NEDD9: variants seen among roughly 807,000 people sequenced by gnomAD.
The protein encoded by NEDD9 is enhancer of filamentation 1.
In NEDD9, 26 loss-of-function variants were observed where a neutral mutation model predicts 76.6. That is an observed-to-expected ratio of 0.34 (90% CI 0.25 to 0.47). The LOEUF (loss-of-function observed/expected upper bound fraction) is 0.47, where lower values mean the gene tolerates loss of function less well. NEDD9 is among the 20% of genes least tolerant of loss of function. NEDD9 has a pLI of 1.00. For missense variants in NEDD9, 937 were observed against 1,058.5 expected, an observed-to-expected ratio of 0.89 and a Z score of 1.59; for synonymous variants, 392 against 414.2, an observed-to-expected ratio of 0.95 and a Z score of 0.65.
At chr6:11,235,787 G>A (rs1359384036), upstream of NEDD9, among the ~76,000 whole-genome samples, 1 of 152,176 alleles carries the variant, frequency 6.6e-6, no homozygotes, top group African/African-American at 2.4e-5. This position sits in a 1 kb window ranked among gnomAD's most constrained non-coding sequence, Gnocchi z 4.1. Context: ...GTGTCTAAGC[G>A]CAGCAAGCTG....
intron 3 of NEDD9, among the ~76,000 whole-genome samples, chr6:11,302,370 A>T (rs1761070977): frequency 6.6e-6 from 1 of 152,232 alleles, no homozygotes; most frequent in Non-Finnish European, 1.5e-5. Flanking sequence ...TGAGGCAATA[A>T]TTAATAGCCT....
At chr6:11,203,410 T>C (rs1009731783) in intron 2 of NEDD9, among the ~76,000 whole-genome samples, 5 of 152,196 alleles carry the variant, frequency 3.3e-5, no homozygotes, top group African/African-American at 1.2e-4. Flanking sequence ...GGAAAGGGAC[T>C]GTGAAGAGGA....
chr6:11,203,547 A>G (rs1475898199), intron 2 of NEDD9, among the ~76,000 whole-genome samples: 1 of 152,206 alleles, frequency 6.6e-6, no homozygotes. Flanking sequence ...CACAAGGCAG[A>G]ACTCGGTGCC....
chr6:11,244,327 T>G (rs1234039160), intron 3 of NEDD9, among the ~76,000 whole-genome samples: 2 of 152,216 alleles, frequency 1.3e-5, no homozygotes, highest in East Asian at 1.9e-4. Flanking sequence ...TGGAGAACCC[T>G]GATTAATACA....
chr6:11,215,989 G>A (rs1267973796), intron 1 of NEDD9, among the ~76,000 whole-genome samples: 1 of 152,142 alleles, frequency 6.6e-6, no homozygotes, highest in East Asian at 1.9e-4. Flanking sequence ...TGCGAGAGTC[G>A]TCCTGGGCGT....
At chr6:11,203,650 A>G (rs1190883505) in intron 2 of NEDD9, among the ~76,000 whole-genome samples, 1 of 152,216 alleles carries the variant, frequency 6.6e-6, no homozygotes, top group Non-Finnish European at 1.5e-5. Flanking sequence ...GGCAGAAAAC[A>G]ATGAGTTCCA....
intron 3 of NEDD9, among the ~76,000 whole-genome samples, chr6:11,275,897 C>A (rs1364815869): frequency 2.6e-5 from 4 of 152,018 alleles, no homozygotes; most frequent in African/African-American, 9.7e-5. Flanking sequence ...TAAAGCAGCA[C>A]CCACATTAAA....
chr6:11,233,176 T>C, upstream of NEDD9: 1 of 513,012 alleles, frequency 1.9e-6, no homozygotes, highest in Non-Finnish European at 3.9e-6. Flanking sequence ...TCTTTCCCCC[T>C]CCTCCCGCCT....
At chr6:11,309,254 G>A (rs548555212) in intron 2 of NEDD9, among the ~76,000 whole-genome samples, 8 of 152,204 alleles carry the variant, frequency 5.3e-5, no homozygotes, top group Non-Finnish European at 1.0e-4. Flanking sequence ...AATTTGCATT[G>A]CTGTATGGTA....
chr6:11,283,061 C>T (rs1326075379), intron 3 of NEDD9, among the ~76,000 whole-genome samples: 1 of 152,202 alleles, frequency 6.6e-6, no homozygotes, highest in Non-Finnish European at 1.5e-5. Flanking sequence ...ACCTTATGAC[C>T]TTGGCATTTG....
intron 1 of NEDD9, among the ~76,000 whole-genome samples, chr6:11,230,889 A>G (rs1759451388): frequency 6.6e-6 from 1 of 152,244 alleles, no homozygotes; most frequent in African/African-American, 2.4e-5. Context: ...CGATGAGATC[A>G]TTGAATAAAA....
Position 11,303,251 on chromosome 6 carries a change from G to T in NEDD9, c.12+2741C>A, listed in dbSNP as rs976006029. 2.0e-5 allele frequency among the ~76,000 whole-genome samples: 3 copies of T among 152,138 alleles called. No homozygotes were observed. The East Asian group carries it at 5.8e-4, about 29-fold the overall frequency. On this transcript the variant is annotated intron_variant, in intron 3 of 3. Transcript: ENST00000397378. ...ACAAACAGAGAGCCAAATCATTAGTGAACTCCCATTCACAATTACTACAAA... is the reference window on the plus strand; with the variant it reads ...ACAAACAGAGAGCCAAATCATTAGTTAACTCCCATTCACAATTACTACAAA...
chr6:11,368,522 G>A (rs1210507735), intron 1 of NEDD9, among the ~76,000 whole-genome samples: 1 of 152,176 alleles, frequency 6.6e-6, no homozygotes, highest in Non-Finnish European at 1.5e-5. Context: ...GCTGGTGGGA[G>A]CTACACCACC....
chr6:11,193,739 T>C, intron 2 of NEDD9, 47 bp from the exon 3 acceptor site: 2 of 1,302,938 alleles, frequency 1.5e-6, no homozygotes, highest in Non-Finnish European at 2.2e-6. Flanking sequence ...GCCTGAGTCC[T>C]TGAATCTCCT....
At chr6:11,315,360 T>C (rs1395677936) in intron 2 of NEDD9, among the ~76,000 whole-genome samples, 2 of 152,232 alleles carry the variant, frequency 1.3e-5, no homozygotes, top group Admixed American at 1.3e-4. Context: ...AAGGCTGCTC[T>C]TTGGCAGGAA....
upstream of NEDD9, among the ~76,000 whole-genome samples, chr6:11,236,786 A>G (rs1759612725): frequency 6.6e-6 from 1 of 152,206 alleles, no homozygotes; most frequent in Non-Finnish European, 1.5e-5. This position sits in a 1 kb window ranked among gnomAD's most constrained non-coding sequence, Gnocchi z 5.5. Flanking sequence ...TTCCTGGAAT[A>G]CAGAGTCGAT....
Position 11,198,183 on chromosome 6 carries a change from A to T in NEDD9, c.460-4491T>A, listed in dbSNP as rs929167907. ...CCAGAAATTTGGAATTTTATGTGAA[A>T]CCTGGTTTTCAAAATTGACTTAAAT... On this transcript the variant is annotated intron_variant, in intron 2 of 6. Transcript: ENST00000379446. This position sits in a 1 kb window ranked among gnomAD's most constrained non-coding sequence, Gnocchi z 4.7. 2.6e-5 allele frequency: 4 copies of T among 152,166 alleles called. No homozygotes were observed. Among genetic ancestry groups the T allele is most frequent in the Non-Finnish European group, 5.9e-5 (4 of 68,034 alleles). 9.4% of individuals were successfully genotyped at this position (152,166 alleles called of 1,614,324 possible). A position where few individuals can be genotyped will look rare whatever the true frequency, so the allele number is the denominator to read the frequency against.
chr6:11,317,757 C>T (rs1260670232), intron 2 of NEDD9, among the ~76,000 whole-genome samples: 4 of 152,194 alleles, frequency 2.6e-5, no homozygotes, highest in South Asian at 4.2e-4. Context: ...CCAGTGCACC[C>T]GAGAACAGGA....
chr6:11,197,348 A>C (rs917763243), intron 2 of NEDD9, among the ~76,000 whole-genome samples: 3 of 150,776 alleles, frequency 2.0e-5, no homozygotes, highest in Non-Finnish European at 4.4e-5. Flanking sequence ...TTAATTCATT[A>C]GTGTTGCCAG....
Sources: allele counts gnomAD v4.1 joint callset (sites outside exome capture counted in the v4.1 genomes callset), GRCh38; gene constraint gnomAD v4.1.1; non-coding constraint Gnocchi (gnomAD v3.1); transcripts MANE v1.5; gene names NCBI Gene and HGNC (gene_info 2026-07-23, HGNC 2026-07-21).